Variants in HMCES observed in about 807,000 individuals in gnomAD.
HMCES encodes 5-hydroxymethylcytosine binding, ES cell specific.
In HMCES, 27 loss-of-function variants were observed where a neutral mutation model predicts 35.1. The observed-to-expected ratio is 0.77, with a 90% CI of 0.57 to 1.06. The LOEUF is 1.06. Ranked by LOEUF, HMCES falls within the 50% of genes least tolerant of loss-of-function variation. The pLI is 0.00. For synonymous variants in HMCES, 130 were observed against 154.7 expected, an observed-to-expected ratio of 0.84 and a Z score of 1.18; for missense variants, 391 against 430.4, an observed-to-expected ratio of 0.91 and a Z score of 0.81.
chr3:129,298,651 T>TC, intron 5 of HMCES, 116 bp downstream of exon 5: 1 of 820,612 alleles, frequency 1.2e-6, no homozygotes, highest in Non-Finnish European at 1.9e-6. Flanking sequence ...AAAGTTACAA[T>TC]CAGTTTGACT....
At chr3:129,297,598 G>A (rs2071110003) in intron 4 of HMCES, among the ~76,000 whole-genome samples, 1 of 152,078 alleles carries the variant, frequency 6.6e-6, no homozygotes, top group Non-Finnish European at 1.5e-5. Flanking sequence ...CTCCTCTGAG[G>A]TTTGCAGCTC....
intron 6 of HMCES, 103 bp downstream of exon 6, chr3:129,302,245 G>T: frequency 9.7e-7 from 1 of 1,031,624 alleles, no homozygotes; most frequent in East Asian, 2.4e-5. Context: ...CTTTAATTTG[G>T]ACCATCAAAA....
At chr3:129,281,581 C>T (rs962693536) in intron 2 of HMCES, among the ~76,000 whole-genome samples, 20 of 152,154 alleles carry the variant, frequency 1.3e-4, no homozygotes, top group African/African-American at 4.1e-4. Context: ...ATCTCAGCTA[C>T]TTGGGAGGCT....
At position 129,279,159 on chromosome 3, in the gene HMCES, C is replaced by T. The variant is rs936389755; in HGVS notation, c.-24+254C>T. On this transcript the variant is annotated intron_variant, in intron 1 of 6. Coordinates refer to ENST00000383463, the MANE Select transcript of HMCES (RefSeq NM_020187.3). This position sits in a 1 kb window ranked among gnomAD's most constrained non-coding sequence, Gnocchi z 4.2. ...GCCACCTGCTCCCCGAGCACCGGCC[C>T]CCGCTCCGGGGAGCAGAGTCCGGAG... The T allele has an allele frequency of 3.9e-5, 6 of 152,252 alleles. No individual in the cohort carries two copies. The highest frequency in any genetic ancestry group is 7.3e-5 in the Non-Finnish European group (5 of 68,076). The allele number at this position is 152,252 out of a possible 1,614,324, so 9.4% of individuals were successfully genotyped here. A position where few individuals can be genotyped will look rare whatever the true frequency, so the allele number is the denominator to read the frequency against.
chr3:129,296,533 G>A (rs2071094701), intron 4 of HMCES, among the ~76,000 whole-genome samples: 1 of 151,994 alleles, frequency 6.6e-6, no homozygotes, highest in African/African-American at 2.4e-5. Flanking sequence ...ATAATCTCTT[G>A]AATCTGGTTC....
intron 5 of HMCES, 151 bp downstream of exon 5, chr3:129,298,686 AT>A: frequency 1.5e-6 from 1 of 685,900 alleles, no homozygotes; most frequent in Non-Finnish European, 2.4e-6. Flanking sequence ...ATTCCTAAAA[AT>A]CACTGTACTA....
rs1372681202 is a variant in HMCES at position 129,279,590 on chromosome 3, T to A, written c.-23-120T>A. 3 of 979,804 alleles carry A rather than the reference T, an allele frequency of 3.1e-6. No individual in the cohort carries two copies. Among genetic ancestry groups the A allele is most frequent in the Admixed American group, 5.4e-5 (2 of 36,850 alleles). 60.7% of individuals were successfully genotyped at this position (979,804 alleles called of 1,614,324 possible). ...TTGTGGGACTTTTTGGGGAAGACTT[T>A]AGACGGTGGTCACGGAGGGGCACGG... On this transcript the variant is annotated intron_variant, in intron 1 of 6. Coordinates refer to ENST00000383463, the MANE Select transcript of HMCES (RefSeq NM_020187.3). This position sits in a 1 kb window ranked among gnomAD's most constrained non-coding sequence, Gnocchi z 4.2.
chr3:129,279,615 G>C lies in HMCES; in HGVS notation c.-23-95G>C, dbSNP rs2107682976. ...TAGACGGTGGTCACGGAGGGGCACG[G>C]CCCTGTGGGAACGGAAAGAGAAGGC... On this transcript the variant is annotated intron_variant, in intron 1 of 6. Transcript: ENST00000383463. The surrounding 1 kb of genome is among the most constrained non-coding windows in gnomAD (Gnocchi z 4.2). 8.0e-7 allele frequency: 1 copy of C among 1,246,892 alleles called. No homozygotes were observed. The highest frequency in any genetic ancestry group is 2.3e-5 in the Admixed American group (1 of 43,086). The allele number at this position is 1,246,892 out of a possible 1,614,324, so 77.2% of individuals were successfully genotyped here.
chr3:129,298,430 C>T lies in HMCES; in HGVS notation c.530C>T (p.Ala177Val). Residue 177 changes from alanine to valine, a missense_variant, in exon 5 of 7, where the codon GCC becomes GTC. By Grantham distance (64) the Ala-to-Val change is moderately conservative (BLOSUM62 0). Transcript: ENST00000383463. The part of the protein sequence containing the change: ...VWDNWRLLTM[A>V]GIFDCWEPPE... ...GACAACTGGAGGCTGCTGACAATGG[C>T]CGGGATCTTTGACTGCTGGGAGCCC... 1 of 1,614,094 alleles carries T rather than the reference C, an allele frequency of 6.2e-7. No homozygotes were observed. The highest frequency in any genetic ancestry group is 1.1e-5 in the South Asian group (1 of 91,082).
At chr3:129,280,398 G>A (rs1207463729) in intron 2 of HMCES, among the ~76,000 whole-genome samples, 1 of 152,096 alleles carries the variant, frequency 6.6e-6, no homozygotes, top group Admixed American at 6.5e-5. Flanking sequence ...ATAAAAAAAT[G>A]AGGTGGGAAG....
chr3:129,283,621 G>A (rs1266004181), intron 2 of HMCES, among the ~76,000 whole-genome samples: 1 of 152,012 alleles, frequency 6.6e-6, no homozygotes, highest in Non-Finnish European at 1.5e-5. Flanking sequence ...GCTTGCAGTC[G>A]GGAGTTGTAG....
At chr3:129,286,587 T>A (rs2107687870) in intron 2 of HMCES, among the ~76,000 whole-genome samples, 1 of 152,298 alleles carries the variant, frequency 6.6e-6, no homozygotes, top group East Asian at 1.9e-4. Flanking sequence ...CAACATATGA[T>A]CTTCATAAAA....
In HMCES at chr3:129,305,709, G is replaced by GCTCCTGGC. The variant is rs2071224783; in HGVS notation, c.*885_*892dup. The GCTCCTGGC allele has an allele frequency of 6.6e-6, 1 of 152,278 alleles. No homozygotes were observed. The highest frequency in any genetic ancestry group is 2.4e-5 in the African/African-American group (1 of 41,444). The allele number at this position is 152,278 out of a possible 1,614,324, so 9.4% of individuals were successfully genotyped here. A position where few individuals can be genotyped will look rare whatever the true frequency, so the allele number is the denominator to read the frequency against. On this transcript the variant is annotated 3_prime_UTR_variant, in exon 7 of 7. Transcript: ENST00000383463. ...GACTGGGCGGCGCCGAGCCCAGAACGCTCCTGGCGCAGCACCGTTGGCGTT... is the reference window on the plus strand; with the variant it reads ...GACTGGGCGGCGCCGAGCCCAGAACGCTCCTGGCCTCCTGGCGCAGCACCGTTGGCGTT...
intron 2 of HMCES, among the ~76,000 whole-genome samples, 154 bp downstream of exon 2, chr3:129,280,069 T>C (rs747889236): frequency 2.7e-4 from 41 of 152,204 alleles, no homozygotes; most frequent in Non-Finnish European, 5.1e-4. Flanking sequence ...CTTGGCCTCA[T>C]GAAAGAAGTT....
In HMCES at chr3:129,290,724, T is replaced by G; in HGVS notation, c.373T>G (p.Phe125Val). The change falls in exon 4 of 7, where the codon TTC (phenylalanine) becomes GTC (valine). Residue 125 changes from phenylalanine to valine, a missense_variant. Physicochemically the swap from Phe to Val is conservative, Grantham distance 50. Transcript: ENST00000383463. ...GRRCVVLADG[F>V]YEWQRCQGTN... ...ACGCTGTGTCGTTTTAGCAGATGGA[T>G]TCTATGAGTGGCAGCGATGTCAGGG... 6.2e-7 allele frequency: 1 copy of G among 1,613,580 alleles called. No individual in the cohort carries two copies.
chr3:129,281,926 C>CAAAAA (rs553350109), intron 2 of HMCES, among the ~76,000 whole-genome samples: 7 of 71,542 alleles, frequency 9.8e-5, no homozygotes, highest in Admixed American at 1.5e-4. Context: ...GACTCAGTCT[C>CAAAAA]AAAAAAAAAA....
In HMCES at chr3:129,279,006, G is replaced by T. The variant is rs1005015400; in HGVS notation, c.-24+101G>T. ...GACAGAGGGGAGCAGAGGCCCGAGC[G>T]GACGCGAGGCGACGCGGAGAGGGCG... On this transcript the variant is annotated intron_variant, in intron 1 of 6. Transcript: ENST00000383463. The surrounding 1 kb of genome is among the most constrained non-coding windows in gnomAD (Gnocchi z 4.2). The T allele has an allele frequency of 6.5e-6, 1 of 152,808 alleles. No homozygotes were observed. Among genetic ancestry groups the T allele is most frequent in the Non-Finnish European group, 1.5e-5 (1 of 68,632 alleles). The allele number at this position is 152,808 out of a possible 1,614,324, so 9.5% of individuals were successfully genotyped here. A position where few individuals can be genotyped will look rare whatever the true frequency, so the allele number is the denominator to read the frequency against.
At chr3:129,296,810 G>A (rs1048610288) in intron 4 of HMCES, among the ~76,000 whole-genome samples, 3 of 152,136 alleles carry the variant, frequency 2.0e-5, no homozygotes, top group African/African-American at 4.8e-5. Context: ...TGTTGCCCAG[G>A]CTGGAGTGCA....
intron 5 of HMCES, among the ~76,000 whole-genome samples, chr3:129,299,962 AT>A (rs1366743144): frequency 1.6e-4 from 24 of 146,694 alleles, no homozygotes; most frequent in Middle Eastern, 3.6e-3. Context: ...AGCCATGGTC[AT>A]TTTTTTTTTG....
Sources: allele counts gnomAD v4.1 joint callset (sites outside exome capture counted in the v4.1 genomes callset), GRCh38; gene constraint gnomAD v4.1.1; non-coding constraint Gnocchi (gnomAD v3.1); transcripts MANE v1.5; gene names NCBI Gene and HGNC (gene_info 2026-07-23, HGNC 2026-07-21).